The following NAT8L variants were observed in gnomAD, a reference collection of about 807,000 sequenced individuals.
NAT8L encodes the protein N-acetylaspartate synthetase.
Under a neutral mutation model 21.2 loss-of-function variants are expected in NAT8L, and 6 were observed. That is an observed-to-expected ratio of 0.28 (90% CI 0.16 to 0.56). NAT8L has a LOEUF of 0.56. Ranked by LOEUF, NAT8L falls within the 20% of genes least tolerant of loss-of-function variation. The probability of loss-of-function intolerance (pLI) is 0.93; values close to 1 mark genes in which losing one functional copy is unlikely to be tolerated. For synonymous variants in NAT8L, 239 were observed against 204.9 expected (o/e 1.17, Z -1.42); for missense variants, 331 against 433.3 (o/e 0.76, Z 2.10).
chr4:2,064,152 C>G lies in NAT8L; in HGVS notation c.*25C>G. 1 of 1,488,960 alleles carries G rather than the reference C, an allele frequency of 6.7e-7. No homozygotes were observed. The highest frequency in any genetic ancestry group is 8.9e-7 in the Non-Finnish European group (1 of 1,120,536). The allele number at this position is 1,488,960 out of a possible 1,614,324, so 92.2% of individuals were successfully genotyped here. ...ACCGCCGCCGCTCGCCCGCCCGCCC[C>G]CCCGGCCGCCCTGTCCGCCTTTGCC... On this transcript the variant is annotated 3_prime_UTR_variant, in exon 3 of 3. Coordinates refer to ENST00000423729, the MANE Select transcript of NAT8L (RefSeq NM_178557.4).
At position 2,064,058 on chromosome 4, in the gene NAT8L, C is replaced by G. The variant is rs774289865; in HGVS notation, c.840C>G (p.Leu280=). 3 of 1,610,394 alleles carry G rather than the reference C, an allele frequency of 1.9e-6. No individual in the cohort carries two copies. The highest frequency in any genetic ancestry group is 1.7e-6 in the Non-Finnish European group (2 of 1,179,302). The part of the protein sequence containing the change: ...SDHYVLPGMT[L]SLAERLFFQV... ...ACTACGTGCTGCCGGGCATGACCCT[C>G]TCGCTGGCTGAGCGCCTCTTCTTCC... The change falls in exon 3 of 3, where the codon CTC becomes CTG. Residue 280 remains leucine, a synonymous_variant. Coordinates refer to ENST00000423729, the MANE Select transcript of NAT8L (RefSeq NM_178557.4).
intron 2 of NAT8L, 24 bp downstream of exon 2, chr4:2,061,186 C>T (rs1729851831): frequency 6.2e-7 from 1 of 1,610,036 alleles, no homozygotes; most frequent in Non-Finnish European, 8.5e-7. Context: ...CCGCCGCTCC[C>T]CGACCTCCGC....
At position 2,063,929 on chromosome 4, in the gene NAT8L, G is replaced by A; in HGVS notation, c.711G>A (p.Val237=). 25 of 1,612,054 alleles carry A rather than the reference G, an allele frequency of 1.6e-5. No homozygotes were observed. Among genetic ancestry groups the A allele is most frequent in the Non-Finnish European group, 2.1e-5 (25 of 1,179,830 alleles). ...GCCGGAAGGTGCTGGAGTTCGCCGT[G>A]GTGCACAACTACTCCGCGGTGGTGC... is the stretch of plus-strand genomic sequence containing the variant. The part of the protein sequence containing the change: ...ALGRKVLEFA[V]VHNYSAVVLG... Residue 237 remains valine (V), a synonymous_variant, in exon 3 of 3, where the codon GTG becomes GTA. Coordinates refer to ENST00000423729, the MANE Select transcript of NAT8L (RefSeq NM_178557.4).
Position 2,059,397 on chromosome 4 carries a change from TGCCGCCGCCGCCGCCGCC to T in NAT8L, c.-109_-92del, listed in dbSNP as rs892906399. On this transcript the variant is annotated 5_prime_UTR_variant, in exon 1 of 3. Coordinates refer to ENST00000423729, the MANE Select transcript of NAT8L (RefSeq NM_178557.4). This position sits in a 1 kb window ranked among gnomAD's most constrained non-coding sequence, Gnocchi z 4.8. ...GAGCTGCCGCCGCCGCCGCCGCCGC[TGCCGCCGCCGCCGCCGCC>T]GCCGCGGGTCCGAGGGCGCCGCGCC... 3 of 237,304 alleles carry T rather than the reference TGCCGCCGCCGCCGCCGCC, an allele frequency of 1.3e-5. No homozygotes were observed. Among genetic ancestry groups the T allele is most frequent in the Non-Finnish European group, 1.9e-5 (3 of 154,070 alleles). The allele number at this position is 237,304 out of a possible 1,614,324, so 14.7% of individuals were successfully genotyped here. A position where few individuals can be genotyped will look rare whatever the true frequency, so the allele number is the denominator to read the frequency against.
At position 2,063,969 on chromosome 4, in the gene NAT8L, G is replaced by A. The variant is rs1211725738; in HGVS notation, c.751G>A (p.Val251Ile). The change falls in exon 3 of 3, where the codon GTC becomes ATC. Residue 251 changes from valine (V) to isoleucine (I), a missense_variant. Coordinates refer to ENST00000423729, the MANE Select transcript of NAT8L (RefSeq NM_178557.4). ...YSAVVLGTTA[V>I]KVAAHKLYES... ...CGCGGTGGTGCTGGGCACGACGGCC[G>A]TCAAGGTGGCCGCCCACAAGCTCTA... 2.5e-6 allele frequency: 4 copies of A among 1,611,628 alleles called. No individual in the cohort carries two copies. Among genetic ancestry groups the A allele is most frequent in the Middle Eastern group, 1.7e-4 (1 of 6,040 alleles).
rs765272503 is a variant in NAT8L, at chr4:2,063,805, T to C, written c.587T>C (p.Ile196Thr). Residue 196 changes from isoleucine to threonine, a missense_variant, in exon 3 of 3, where the codon ATT becomes ACT. Ile to Thr is a moderately conservative substitution (Grantham distance 89, BLOSUM62 -1). Around this residue, in one of 2 missense-constraint regions of NAT8L, gnomAD observed 132 missense variants for 237.1 expected, o/e 0.56. Transcript: ENST00000423729. ...GTGCTGGATGGCAACGTGGTGGGCA[T>C]TGTGGCTGCACGGGCCCACGAGGAG... Reference protein sequence around the residue: ...VAVLDGNVVGIVAARAHEEDN... With the variant: ...VAVLDGNVVGTVAARAHEEDN... The C allele has an allele frequency of 1.9e-6, 3 of 1,612,332 alleles. No individual in the cohort carries two copies. The highest frequency in any genetic ancestry group is 1.7e-5 in the Admixed American group (1 of 60,024).
rs1729813306 is a variant in NAT8L at position 2,059,662 on chromosome 4, G to T, written c.151G>T (p.Ala51Ser). 1.0e-6 allele frequency: 1 copy of T among 972,858 alleles called. No individual in the cohort carries two copies. Among genetic ancestry groups the T allele is most frequent in the African/African-American group, 1.8e-5 (1 of 56,088 alleles). The allele number at this position is 972,858 out of a possible 1,614,324, so 60.3% of individuals were successfully genotyped here. The stretch of plus-strand genomic sequence containing the variant: ...GCCCGCCGCGCCCGGGCCGGCCGCC[G>T]CGCCCCCCGCGCCCCCACCTGCCCC... Reference protein sequence around the residue: ...PLPAAPGPAAAPPAPPPAPVA... With the variant: ...PLPAAPGPAASPPAPPPAPVA... The change falls in exon 1 of 3, where the codon GCG becomes TCG. Residue 51 changes from alanine to serine, a missense_variant. Coordinates refer to ENST00000423729, the MANE Select transcript of NAT8L (RefSeq NM_178557.4). This position sits in a 1 kb window ranked among gnomAD's most constrained non-coding sequence, Gnocchi z 4.8.
In NAT8L at chr4:2,059,882, T is replaced by A; in HGVS notation, c.371T>A (p.Leu124Gln). 1.5e-6 allele frequency: 2 copies of A among 1,327,406 alleles called. No individual in the cohort carries two copies. The highest frequency in any genetic ancestry group is 1.9e-6 in the Non-Finnish European group (2 of 1,026,532). The allele number at this position is 1,327,406 out of a possible 1,614,324, so 82.2% of individuals were successfully genotyped here. A position where few individuals can be genotyped will look rare whatever the true frequency, so the allele number is the denominator to read the frequency against. The change falls in exon 1 of 3, where the codon CTG becomes CAG. Residue 124 changes from leucine to glutamine, a missense_variant. Leu to Gln is a moderately radical substitution (Grantham distance 113). Coordinates refer to ENST00000423729, the MANE Select transcript of NAT8L (RefSeq NM_178557.4). The surrounding 1 kb of genome is among the most constrained non-coding windows in gnomAD (Gnocchi z 4.8). ...CGCGCGCAGCTGCTCTACGCCCTGC[T>A]GGCGGGTCAGTGCGCCGGGCCCCCG... Reference protein sequence around the residue: ...HPRAQLLYALLAALCFAVSRS... With the variant: ...HPRAQLLYALQAALCFAVSRS...
chr4:2,063,990 C>G lies in NAT8L; in HGVS notation c.772C>G (p.Leu258Val), dbSNP rs1729942372. 2 of 1,611,778 alleles carry G rather than the reference C, an allele frequency of 1.2e-6. No individual in the cohort carries two copies. Among genetic ancestry groups the G allele is most frequent in the African/African-American group, 1.3e-5 (1 of 74,940 alleles). ...TTAVKVAAHKLYESLGFRHMG... is the reference protein window; with the variant it reads ...TTAVKVAAHKVYESLGFRHMG... Reference sequence around the variant, plus strand: ...GGCCGTCAAGGTGGCCGCCCACAAGCTCTACGAGTCGCTGGGCTTCAGACA... The same window carrying G: ...GGCCGTCAAGGTGGCCGCCCACAAGGTCTACGAGTCGCTGGGCTTCAGACA... Residue 258 changes from leucine to valine, a missense_variant, in exon 3 of 3, where the codon CTC becomes GTC. By Grantham distance (32) the Leu-to-Val change is conservative. Transcript: ENST00000423729.
chr4:2,061,189 A>G (rs1396240778), intron 2 of NAT8L, 27 bp downstream of exon 2: 19 of 1,609,538 alleles, frequency 1.2e-5, no homozygotes, highest in Non-Finnish European at 1.6e-5. Flanking sequence ...CCGCTCCCCG[A>G]CCTCCGCCCC....
intron 2 of NAT8L, among the ~76,000 whole-genome samples, chr4:2,062,370 G>A (rs1414924523): frequency 1.3e-5 from 2 of 152,118 alleles, no homozygotes; most frequent in African/African-American, 4.8e-5. Flanking sequence ...TCTTGCCTGG[G>A]TAGGTAGAGG....
At chr4:2,061,390 G>A (rs1358460225) in intron 2 of NAT8L, among the ~76,000 whole-genome samples, 4 of 152,256 alleles carry the variant, frequency 2.6e-5, no homozygotes, top group Non-Finnish European at 5.9e-5. Flanking sequence ...CTGCGACGCA[G>A]TGGCTCCACC....
rs370509434 is a variant in NAT8L at position 2,064,347 on chromosome 4, G to A, written c.*220G>A. The A allele has an allele frequency of 4.9e-5, 11 of 225,964 alleles. No individual in the cohort carries two copies. The highest frequency in any genetic ancestry group is 3.1e-4 in the East Asian group (3 of 9,698). The allele number at this position is 225,964 out of a possible 1,614,324, so 14.0% of individuals were successfully genotyped here. ...GGGTTGTTTGTCGCCATAGCCCCTC[G>A]CCCTTCCCCACCTGCCTGGGCGGCT... On this transcript the variant is annotated 3_prime_UTR_variant, in exon 3 of 3. Coordinates refer to ENST00000423729, the MANE Select transcript of NAT8L (RefSeq NM_178557.4).
rs1729807875 is a variant in NAT8L at position 2,059,426 on chromosome 4, C to T, written c.-86C>T. 4 of 553,238 alleles carry T rather than the reference C, an allele frequency of 7.2e-6. No individual in the cohort carries two copies. The highest frequency in any genetic ancestry group is 6.8e-6 in the Non-Finnish European group (3 of 438,930). 34.3% of individuals were successfully genotyped at this position (553,238 alleles called of 1,614,324 possible). On this transcript the variant is annotated 5_prime_UTR_variant, in exon 1 of 3. Coordinates refer to ENST00000423729, the MANE Select transcript of NAT8L (RefSeq NM_178557.4). This position sits in a 1 kb window ranked among gnomAD's most constrained non-coding sequence, Gnocchi z 4.8. ...GCCGCCGCCGCCGCCGCCGCGGGTCCGAGGGCGCCGCGCCCTTGCCCTGGG... is the reference window on the plus strand; with the variant it reads ...GCCGCCGCCGCCGCCGCCGCGGGTCTGAGGGCGCCGCGCCCTTGCCCTGGG...
chr4:2,060,548 C>T lies in NAT8L; in HGVS notation c.377-450C>T, dbSNP rs1468160410. Among the ~76,000 whole-genome samples the T allele has an allele frequency of 6.6e-6, 1 of 152,188 alleles. No homozygotes were observed. The highest frequency in any genetic ancestry group is 1.5e-5 in the Non-Finnish European group (1 of 68,022). On this transcript the variant is annotated intron_variant, in intron 1 of 2. Transcript: ENST00000423729. This position sits in a 1 kb window ranked among gnomAD's most constrained non-coding sequence, Gnocchi z 4.7. ...GCCCTCAGAGCTCCCGGACGCTGGC[C>T]AGGAAGGGCTCTTGCTGGGGCCCTG...
Position 2,065,934 on chromosome 4 carries a change from CTTTTG to C in NAT8L, c.*1808_*1812del, listed in dbSNP as rs1374489464. On this transcript the variant is annotated 3_prime_UTR_variant, in exon 3 of 3. Transcript: ENST00000423729. The stretch of plus-strand genomic sequence containing the variant: ...AAACAAACAGTTGTGCCTTTTTCCT[CTTTTG>C]GTTTGGTTTGGGTTTGGCCTGGGGC... 1 of 152,470 alleles carries C rather than the reference CTTTTG, an allele frequency of 6.6e-6. No homozygotes were observed. The highest frequency in any genetic ancestry group is 1.5e-5 in the Non-Finnish European group (1 of 68,040). 9.4% of individuals were successfully genotyped at this position (152,470 alleles called of 1,614,324 possible). A position where few individuals can be genotyped will look rare whatever the true frequency, so the allele number is the denominator to read the frequency against.
intron 2 of NAT8L, among the ~76,000 whole-genome samples, chr4:2,062,602 G>T (rs1729914541): frequency 1.3e-5 from 2 of 152,094 alleles, no homozygotes; most frequent in South Asian, 4.1e-4. Context: ...GGCGATGGCA[G>T]CGGTGCCCAG....
rs1255130061 is a variant in NAT8L, at chr4:2,064,490, C to CG, written c.*367dup. On this transcript the variant is annotated 3_prime_UTR_variant, in exon 3 of 3. Coordinates refer to ENST00000423729, the MANE Select transcript of NAT8L (RefSeq NM_178557.4). ...AGCACAGAACCTCTGCAGCAGATCCCGGGGCCAGGCTCCGGCCCCGCCTGC... is the reference window on the plus strand; with the variant it reads ...AGCACAGAACCTCTGCAGCAGATCCCGGGGGCCAGGCTCCGGCCCCGCCTGC... 1 of 157,010 alleles carries CG rather than the reference C, an allele frequency of 6.4e-6. No homozygotes were observed. Among genetic ancestry groups the CG allele is most frequent in the Non-Finnish European group, 1.4e-5 (1 of 71,550 alleles). The allele number at this position is 157,010 out of a possible 1,614,324, so 9.7% of individuals were successfully genotyped here. A position where few individuals can be genotyped will look rare whatever the true frequency, so the allele number is the denominator to read the frequency against.
rs887594445 is a variant in NAT8L, at chr4:2,061,085, A to G, written c.464A>G (p.Lys155Arg). 1.2e-6 allele frequency: 2 copies of G among 1,610,726 alleles called. No individual in the cohort carries two copies. Among genetic ancestry groups the G allele is most frequent in the Non-Finnish European group, 8.5e-7 (1 of 1,178,864 alleles). ...GGCCTGCGCTACTACTACAGCCGCA[A>G]GGTGATCCGCGCCTACCTGGAGTGC... ...LLGLRYYYSRKVIRAYLECAL... is the reference protein window; with the variant it reads ...LLGLRYYYSRRVIRAYLECAL... Residue 155 changes from lysine (K) to arginine (R), a missense_variant, in exon 2 of 3, where the codon AAG becomes AGG. Physicochemically the swap from Lys to Arg is conservative, Grantham distance 26. This residue lies in a region of NAT8L where 132 missense variants were observed against 237.1 expected (regional missense o/e 0.56). Transcript: ENST00000423729.
Sources: allele counts gnomAD v4.1 joint callset (sites outside exome capture counted in the v4.1 genomes callset), GRCh38; gene constraint gnomAD v4.1.1; regional missense constraint gnomAD v4.1.1; non-coding constraint Gnocchi (gnomAD v3.1); transcripts MANE v1.5; gene names NCBI Gene and HGNC (gene_info 2026-07-23, HGNC 2026-07-21).